The following ROBO1 variants were observed in gnomAD, a reference collection of about 807,000 sequenced individuals.
ROBO1 encodes roundabout guidance receptor 1, also known as roundabout homolog 1.
In ROBO1, 149 loss-of-function variants were observed where a neutral mutation model predicts 195.9. The observed-to-expected ratio is 0.76, with a 90% CI of 0.67 to 0.87. The LOEUF (loss-of-function observed/expected upper bound fraction) is 0.87, where lower values mean the gene tolerates loss of function less well. Among genes scored for constraint, ROBO1 ranks in the 40% least tolerant of loss-of-function variants. ROBO1 has a pLI of 0.00. For synonymous variants in ROBO1, 816 were observed against 733.2 expected (o/e 1.11, Z -1.82); for missense variants, 1,933 against 2,068.3 (o/e 0.93, Z 1.27).
In ROBO1 at chr3:78,667,972, G is replaced by A. The variant is rs769826872; in HGVS notation, c.1877C>T (p.Pro626Leu). Reference sequence around the variant, plus strand: ...CACAAGGAAAAGGTAAATTGCATTAGGTTTGAGTCCTTTAATGGCAGATGT... The same window carrying A: ...CACAAGGAAAAGGTAAATTGCATTAAGTTTGAGTCCTTTAATGGCAGATGT... ...TETSAIKGLKPNAIYLFLVRA... is the reference protein window; with the variant it reads ...TETSAIKGLKLNAIYLFLVRA... The change falls in exon 14 of 31, where the codon CCT becomes CTT. Residue 626 changes from proline to leucine, a missense_variant. This residue lies in a region of ROBO1 where 1,737 missense variants were observed against 1,882.5 expected (regional missense o/e 0.92). Transcript: ENST00000464233. 1 of 1,613,758 alleles carries A rather than the reference G, an allele frequency of 6.2e-7. No individual in the cohort carries two copies. The highest frequency in any genetic ancestry group is 8.5e-7 in the Non-Finnish European group (1 of 1,179,778).
At chr3:79,357,626 G>T (rs749145196) in intron 2 of ROBO1, among the ~76,000 whole-genome samples, 2 of 152,100 alleles carry the variant, frequency 1.3e-5, no homozygotes, top group South Asian at 2.1e-4. Context: ...AACTGAACTG[G>T]ATCTACCACA....
At chr3:78,659,655 A>T in intron 17 of ROBO1, 31 bp downstream of exon 17, 1 of 1,298,746 alleles carries the variant, frequency 7.7e-7, no homozygotes, top group Non-Finnish European at 1.0e-6. Flanking sequence ...GCCCATCAGG[A>T]CATTAATATA....
At chr3:78,952,638 C>T (rs2040848834) in intron 3 of ROBO1, among the ~76,000 whole-genome samples, 1 of 151,888 alleles carries the variant, frequency 6.6e-6, no homozygotes, top group South Asian at 2.1e-4. Context: ...AAGTTACACA[C>T]ATTTCCAAAT....
chr3:79,542,391 A>G (rs1331377192), intron 2 of ROBO1, among the ~76,000 whole-genome samples: 1 of 152,078 alleles, frequency 6.6e-6, no homozygotes, highest in East Asian at 1.9e-4. Flanking sequence ...TTATGGCAAG[A>G]AAAAGTATAA....
At chr3:78,944,653 C>G (rs1375686097) in intron 3 of ROBO1, among the ~76,000 whole-genome samples, 16 of 152,224 alleles carry the variant, frequency 1.1e-4, no homozygotes, top group Non-Finnish European at 1.0e-4. Flanking sequence ...TGGGGAGTGC[C>G]AGACAGTAGG....
At chr3:79,380,848 C>T (rs1276540498) in intron 2 of ROBO1, among the ~76,000 whole-genome samples, 3 of 152,054 alleles carry the variant, frequency 2.0e-5, no homozygotes, top group African/African-American at 7.2e-5. Flanking sequence ...GCTTTGAACC[C>T]TTATGCTTGC....
chr3:79,076,967 G>A (rs750552734), intron 3 of ROBO1, among the ~76,000 whole-genome samples: 1 of 151,814 alleles, frequency 6.6e-6, no homozygotes, highest in African/African-American at 2.4e-5. Context: ...TTTTTTGTTC[G>A]TTTTATTTCT....
chr3:78,636,935 TTATATATATATATATATATATATA>T (rs55894934), intron 22 of ROBO1, among the ~76,000 whole-genome samples: 1 of 96,704 alleles, frequency 1.0e-5, no homozygotes, highest in Non-Finnish European at 2.1e-5. Context: ...TACATTCATT[TTATATATATATATATATATATATA>T]TATATATATA....
intron 2 of ROBO1, among the ~76,000 whole-genome samples, chr3:79,293,257 G>A (rs553916252): frequency 6.6e-6 from 1 of 152,068 alleles, no homozygotes; most frequent in South Asian, 2.1e-4. Flanking sequence ...GTGTCTATTT[G>A]ATTCTTCTCT....
rs757104726 is a variant in ROBO1 at position 78,832,986 on chromosome 3, C to T, written c.500-86086G>A. On this transcript the variant is annotated intron_variant, in intron 4 of 30. Transcript: ENST00000464233. Reference sequence around the variant, plus strand: ...GGAGGCCATTGATCTGGCAGGAGCACGATAACGGAGGGCCTCACATCGCAT... The same window carrying T: ...GGAGGCCATTGATCTGGCAGGAGCATGATAACGGAGGGCCTCACATCGCAT... Among the ~76,000 whole-genome samples, 103 of 152,030 alleles carry T rather than the reference C, an allele frequency of 6.8e-4. 1 individual carries two copies. The highest frequency in any genetic ancestry group is 1.9e-3 in the Admixed American group (29 of 15,262).
At chr3:78,771,040 C>T (rs1393475316) in intron 4 of ROBO1, among the ~76,000 whole-genome samples, 1 of 151,884 alleles carries the variant, frequency 6.6e-6, no homozygotes, top group Non-Finnish European at 1.5e-5. Context: ...GCAGTCTGGC[C>T]TGGGTGACAG....
chr3:78,850,931 T>G (rs1366064861), intron 4 of ROBO1, among the ~76,000 whole-genome samples: 1 of 151,920 alleles, frequency 6.6e-6, no homozygotes, highest in East Asian at 1.9e-4. Flanking sequence ...CTCAGCCTCC[T>G]GAGTAGCTGG....
intron 1 of ROBO1, among the ~76,000 whole-genome samples, chr3:79,720,551 C>G (rs1310378968): frequency 1.3e-5 from 2 of 152,132 alleles, no homozygotes; most frequent in Non-Finnish European, 2.9e-5. Flanking sequence ...TGTGTGGTTT[C>G]CTAGCCATAA....
chr3:78,939,004 A>C, intron 3 of ROBO1, 77 bp from the exon 4 acceptor site: 2 of 1,282,114 alleles, frequency 1.6e-6, no homozygotes, highest in South Asian at 2.9e-5. Context: ...CATTGGCTTA[A>C]CCATTACTAT....
At chr3:79,621,654 C>T (rs904532243) in intron 1 of ROBO1, among the ~76,000 whole-genome samples, 2 of 152,130 alleles carry the variant, frequency 1.3e-5, no homozygotes, top group African/African-American at 4.8e-5. Context: ...AAATTTTGTG[C>T]CCTGCTAAAC....
intron 3 of ROBO1, among the ~76,000 whole-genome samples, chr3:78,941,859 G>A (rs1485313906): frequency 2.0e-5 from 3 of 152,166 alleles, no homozygotes; most frequent in Admixed American, 6.5e-5. Flanking sequence ...GAACCCAGTG[G>A]AAGACAGCCA....
chr3:79,242,366 TTA>T (rs1407806111), intron 2 of ROBO1, among the ~76,000 whole-genome samples: 1 of 152,144 alleles, frequency 6.6e-6, no homozygotes, highest in East Asian at 1.9e-4. Flanking sequence ...AAAAAATCTA[TTA>T]AGGGCCTGGG....
chr3:78,674,345 C>G (rs1027285588), intron 10 of ROBO1, among the ~76,000 whole-genome samples: 1 of 152,190 alleles, frequency 6.6e-6, no homozygotes, highest in South Asian at 2.1e-4. Context: ...GGTCAAGAAG[C>G]TAAAGACGAA....
chr3:78,627,099 T>TA (rs1200341092), intron 26 of ROBO1, among the ~76,000 whole-genome samples: 6 of 152,196 alleles, frequency 3.9e-5, no homozygotes, highest in African/African-American at 1.4e-4. Context: ...TGAGTATTAA[T>TA]ACACATTATT....
Sources: gnomAD v4.1 joint callset for allele counts (sites outside exome capture counted in the v4.1 genomes callset) on GRCh38, gnomAD v4.1.1 for gene constraint, gnomAD v4.1.1 regional missense constraint, MANE v1.5 for transcripts, NCBI Gene and HGNC (gene_info 2026-07-23, HGNC 2026-07-21) for gene names.